Variants in ATP9B observed in about 807,000 individuals in gnomAD.
ATP9B encodes the protein ATPase phospholipid transporting 9B, also known as probable phospholipid-transporting ATPase IIB.
A neutral mutation model predicts 146.1 loss-of-function variants in ATP9B; 110 were observed. That is an observed-to-expected ratio of 0.75 (90% CI 0.65 to 0.88). The LOEUF is 0.88. ATP9B is among the 40% of genes least tolerant of loss of function. ATP9B has a pLI of 0.00. For missense variants in ATP9B, 1,499 were observed against 1,496.4 expected, an observed-to-expected ratio of 1.00 and a Z score of -0.03; for synonymous variants, 604 against 569.7, an observed-to-expected ratio of 1.06 and a Z score of -0.86.
intron 11 of ATP9B, among the ~76,000 whole-genome samples, chr18:79,227,492 ATAGGTGGATGGG>A (rs1368880188): frequency 6.6e-6 from 1 of 151,726 alleles, no homozygotes; most frequent in African/African-American, 2.4e-5. Context: ...AGGTAAGTAT[ATAGGTGGATGGG>A]TAGATGGATG....
chr18:79,262,637 T>A (rs1351923211), intron 12 of ATP9B, among the ~76,000 whole-genome samples: 1 of 152,246 alleles, frequency 6.6e-6, no homozygotes, highest in Non-Finnish European at 1.5e-5. Context: ...GTGGAGATGC[T>A]GTGACAGGAA....
intron 12 of ATP9B, among the ~76,000 whole-genome samples, chr18:79,273,607 C>T (rs1016894134): frequency 2.6e-5 from 4 of 152,128 alleles, no homozygotes; most frequent in Middle Eastern, 3.2e-3. Context: ...GAATCTCGCG[C>T]GATTCTCAGA....
chr18:79,305,786 T>C (rs924542706), intron 14 of ATP9B, among the ~76,000 whole-genome samples: 5 of 152,260 alleles, frequency 3.3e-5, no homozygotes, highest in African/African-American at 1.2e-4. Context: ...ACAGTACTTC[T>C]TATGTGAAAT....
chr18:79,226,740 TTG>T (rs1259100733), intron 11 of ATP9B, among the ~76,000 whole-genome samples: 1 of 152,094 alleles, frequency 6.6e-6, no homozygotes, highest in Non-Finnish European at 1.5e-5. Flanking sequence ...AACACACAGT[TTG>T]TGTGGGGGAG....
intron 21 of ATP9B, 37 bp from the exon 22 acceptor site, chr18:79,345,391 G>T (rs753094094): frequency 1.9e-6 from 3 of 1,605,384 alleles, no homozygotes; most frequent in South Asian, 2.2e-5. Flanking sequence ...CACTGTTGTC[G>T]ACCATAAGGC....
chr18:79,097,841 G>T lies in ATP9B; in HGVS notation c.293+1192G>T, dbSNP rs1005363109. Among the ~76,000 whole-genome samples the T allele has an allele frequency of 7.4e-5, 11 of 148,870 alleles. No homozygotes were observed. In the East Asian group the frequency reaches 2.1e-3, roughly 29 times the overall value. ...GAATAGTGCCGCAATAAACATACGT[G>T]TGCATGTGTCTTTATAGCAGCATGA... is the stretch of plus-strand genomic sequence containing the variant. On this transcript the variant is annotated intron_variant, in intron 2 of 29. Transcript: ENST00000426216.
chr18:79,289,914 G>A (rs1021791520), intron 13 of ATP9B, among the ~76,000 whole-genome samples: 1 of 152,174 alleles, frequency 6.6e-6, no homozygotes, highest in Non-Finnish European at 1.5e-5. Context: ...GCAGCAGTGG[G>A]TGCAGAATAG....
intron 13 of ATP9B, among the ~76,000 whole-genome samples, chr18:79,282,969 A>G (rs907558201): frequency 6.6e-6 from 1 of 152,224 alleles, no homozygotes; most frequent in Non-Finnish European, 1.5e-5. Flanking sequence ...CAACAGAGAA[A>G]TACAAATCAC....
chr18:79,238,222 T>C (rs775415539), intron 11 of ATP9B, among the ~76,000 whole-genome samples: 24 of 152,198 alleles, frequency 1.6e-4, no homozygotes, highest in Middle Eastern at 3.4e-3. Context: ...AAATTTACCA[T>C]GACTGGATAA....
At chr18:79,156,508 T>A (rs190871945) in intron 7 of ATP9B, among the ~76,000 whole-genome samples, 3 of 152,352 alleles carry the variant, frequency 2.0e-5, no homozygotes, top group Admixed American at 1.3e-4. Context: ...TGAATGAATG[T>A]ATGGAACAGA....
chr18:79,103,939 A>G (rs1463521633), intron 2 of ATP9B, among the ~76,000 whole-genome samples: 2 of 152,108 alleles, frequency 1.3e-5, no homozygotes, highest in Non-Finnish European at 2.9e-5. Flanking sequence ...TCTGTGGTCC[A>G]TATGGTCCCT....
rs546540990 is a variant in ATP9B, at chr18:79,326,738, G to T, written c.1774-2403G>T. Among the ~76,000 whole-genome samples, 3 of 152,326 alleles carry T rather than the reference G, an allele frequency of 2.0e-5. No homozygotes were observed. The South Asian group carries it at 6.2e-4, about 32-fold the overall frequency. On this transcript the variant is annotated intron_variant, in intron 15 of 29. Coordinates refer to ENST00000426216, the MANE Select transcript of ATP9B (RefSeq NM_198531.5). Reference sequence around the variant, plus strand: ...TGCTAGAGGTATTCTGTGGTCAGACGTGTGGGGAATTGCTTAGAAAATCTG... The same window carrying T: ...TGCTAGAGGTATTCTGTGGTCAGACTTGTGGGGAATTGCTTAGAAAATCTG...
chr18:79,092,952 CAGGTATT>C (rs1568157823), intron 1 of ATP9B, among the ~76,000 whole-genome samples: 1 of 152,078 alleles, frequency 6.6e-6, no homozygotes, highest in African/African-American at 2.4e-5. Flanking sequence ...TTATGATTGT[CAGGTATT>C]AGGTACTGTA....
chr18:79,285,261 T>G (rs572610582), intron 13 of ATP9B, among the ~76,000 whole-genome samples: 3 of 151,972 alleles, frequency 2.0e-5, no homozygotes, highest in Admixed American at 2.0e-4. Flanking sequence ...TTCCTATTTC[T>G]CCACATCCTC....
intron 12 of ATP9B, among the ~76,000 whole-genome samples, chr18:79,257,941 G>A (rs1256628564): frequency 1.4e-4 from 22 of 152,158 alleles, no homozygotes; most frequent in Admixed American, 1.4e-3. Flanking sequence ...TTAACTGACA[G>A]CATTGAAGAG....
chr18:79,154,378 T>A, intron 6 of ATP9B, 126 bp from the exon 7 acceptor site: 1 of 654,416 alleles, frequency 1.5e-6, no homozygotes, highest in Non-Finnish European at 2.6e-6. Flanking sequence ...ATTGTGTTAG[T>A]TATTTCAGCA....
chr18:79,119,492 TTTAA>T (rs1430922400), intron 4 of ATP9B, among the ~76,000 whole-genome samples: 2 of 152,258 alleles, frequency 1.3e-5, no homozygotes, highest in Non-Finnish European at 2.9e-5. Flanking sequence ...ATGTATTAGC[TTTAA>T]TTATTTTTAG....
intron 13 of ATP9B, among the ~76,000 whole-genome samples, chr18:79,286,131 G>A (rs1371916856): frequency 2.0e-5 from 3 of 150,124 alleles, no homozygotes; most frequent in South Asian, 4.2e-4. Context: ...GAACTTTAAA[G>A]TAGTTTTTTC....
chr18:79,083,902 T>A (rs1275939375), intron 1 of ATP9B, among the ~76,000 whole-genome samples: 1 of 151,476 alleles, frequency 6.6e-6, no homozygotes, highest in African/African-American at 2.4e-5. Context: ...CTTTCTCTGT[T>A]GCTAGGCTGG....
Sources: gnomAD v4.1 joint callset for allele counts (sites outside exome capture counted in the v4.1 genomes callset) on GRCh38, gnomAD v4.1.1 for gene constraint, MANE v1.5 for transcripts, NCBI Gene and HGNC (gene_info 2026-07-23, HGNC 2026-07-21) for gene names.